GLRA1: variants seen among roughly 807,000 people sequenced by gnomAD.
GLRA1 encodes the protein glycine receptor alpha 1.
A neutral mutation model predicts 48.3 loss-of-function variants in GLRA1; 37 were observed. The ratio of observed to expected loss-of-function variants is 0.77; its 90% confidence interval spans 0.59 to 1.01. The LOEUF (loss-of-function observed/expected upper bound fraction) is 1.01, where lower values mean the gene tolerates loss of function less well. Among genes scored for constraint, GLRA1 ranks in the 50% least tolerant of loss-of-function variants. GLRA1 has a pLI of 0.00. For synonymous variants in GLRA1, 196 were observed against 210.7 expected, an observed-to-expected ratio of 0.93 and a Z score of 0.60; for missense variants, 427 against 571.0, an observed-to-expected ratio of 0.75 and a Z score of 2.57.
intron 1 of GLRA1, 60 bp downstream of exon 1, chr5:151,924,434 C>T: frequency 9.9e-7 from 1 of 1,014,694 alleles, no homozygotes; most frequent in Non-Finnish European, 1.6e-6. Context: ...ACAGAGGTAG[C>T]CTCCGTACTC....
At chr5:151,924,361 GA>G in intron 1 of GLRA1, 132 bp downstream of exon 1, 1 of 733,456 alleles carries the variant, frequency 1.4e-6, no homozygotes. Flanking sequence ...GGAGACGGGG[GA>G]TGGAAGGACC....
rs141650943 is a variant in GLRA1 at position 151,918,155 on chromosome 5, A to T, written c.56+6339T>A. On this transcript the variant is annotated intron_variant, in intron 1 of 8. Transcript: ENST00000274576. Reference sequence around the variant, plus strand: ...TTGGGGCCTCAGTACCCCTCATAAGAGCTTGCATTACAAAGCATAGGCACT... The same window carrying T: ...TTGGGGCCTCAGTACCCCTCATAAGTGCTTGCATTACAAAGCATAGGCACT... Among the ~76,000 whole-genome samples the T allele has an allele frequency of 9.2e-5, 14 of 152,328 alleles. No individual in the cohort carries two copies. In the East Asian group the frequency reaches 2.7e-3, roughly 29 times the overall value.
chr5:151,832,880 T>C (rs2113298017), intron 7 of GLRA1, among the ~76,000 whole-genome samples: 1 of 151,872 alleles, frequency 6.6e-6, no homozygotes, highest in South Asian at 2.1e-4. Context: ...AAGGAAAAAA[T>C]GTTAGGGGCA....
intron 7 of GLRA1, among the ~76,000 whole-genome samples, chr5:151,841,714 T>G (rs1343679032): frequency 6.6e-6 from 1 of 152,142 alleles, no homozygotes; most frequent in African/African-American, 2.4e-5. Flanking sequence ...TGCCAATAAA[T>G]TTGATAACCT....
At chr5:151,858,360 G>A (rs1753102719) in intron 4 of GLRA1, among the ~76,000 whole-genome samples, 1 of 152,184 alleles carries the variant, frequency 6.6e-6, no homozygotes, top group Non-Finnish European at 1.5e-5. Context: ...CTGTCACACT[G>A]GGTTAATTTC....
At chr5:151,878,301 T>G (rs1451088110) in intron 3 of GLRA1, among the ~76,000 whole-genome samples, 1 of 152,116 alleles carries the variant, frequency 6.6e-6, no homozygotes, top group African/African-American at 2.4e-5. Flanking sequence ...CTGGTGGAAG[T>G]AAGCAGCAAA....
At chr5:151,833,356 A>G (rs189507576) in intron 7 of GLRA1, among the ~76,000 whole-genome samples, 1 of 152,246 alleles carries the variant, frequency 6.6e-6, no homozygotes, top group Non-Finnish European at 1.5e-5. Context: ...CAGACTGGCA[A>G]ATTGGATAAA....
chr5:151,840,262 T>G (rs1190027826), intron 7 of GLRA1, among the ~76,000 whole-genome samples: 1 of 152,096 alleles, frequency 6.6e-6, no homozygotes, highest in Admixed American at 6.6e-5. Context: ...TCCAGCTAAT[T>G]TTTTAAAAGT....
At position 151,849,152 on chromosome 5, in the gene GLRA1, CTTTTCTTTTCT is replaced by C. The variant is rs140441934; in HGVS notation, c.912+2227_912+2237del. The C allele has an allele frequency of 4.4e-3, 579 of 132,408 alleles. 23 individuals carry two copies. The highest frequency in any genetic ancestry group is 0.022 in the African/African-American group (464 of 21,250). The allele number at this position is 132,408 out of a possible 1,614,324, so 8.2% of individuals were successfully genotyped here. On this transcript the variant is annotated intron_variant, in intron 7 of 8. Coordinates refer to ENST00000274576, the MANE Select transcript of GLRA1 (RefSeq NM_000171.4). The stretch of plus-strand genomic sequence containing the variant: ...TCTTTCTTTCTTTCTTTCTTTCTTT[CTTTTCTTTTCT>C]TTTCTTTCTTTCTTTCTTTCTTTCT...
At chr5:151,924,315 G>C (rs1206015627) in intron 1 of GLRA1, among the ~76,000 whole-genome samples, 179 bp downstream of exon 1, 9 of 151,006 alleles carry the variant, frequency 6.0e-5, no homozygotes, top group Non-Finnish European at 1.0e-4. Flanking sequence ...GCGGGCGGGG[G>C]TGGGGTGGGT....
intron 6 of GLRA1, among the ~76,000 whole-genome samples, chr5:151,852,231 A>G (rs1445705078): frequency 6.6e-6 from 1 of 152,084 alleles, no homozygotes; most frequent in African/African-American, 2.4e-5. Context: ...CTGAACTTTC[A>G]TGTTTCTGAG....
At chr5:151,892,491 G>C in intron 1 of GLRA1, 53 bp from the exon 2 acceptor site, 1 of 1,602,096 alleles carries the variant, frequency 6.2e-7, no homozygotes, top group Non-Finnish European at 8.5e-7. Context: ...TTCTCATGCT[G>C]TGATCAGATC....
rs1396622824 is a variant in GLRA1, at chr5:151,892,330, C to G, written c.165G>C (p.Arg55Ser). The G allele has an allele frequency of 1.9e-6, 3 of 1,613,892 alleles. No individual in the cohort carries two copies. In the African/African-American group the frequency reaches 4.0e-5, roughly 22 times the overall value. ...LMGRTSGYDA[R>S]IRPNFKGPPV... ...CTCTACCTTTAAAATTGGGCCTGAT[C>G]CTGGCATCATATCCGGAGGTTCTCC... Residue 55 changes from arginine (R) to serine (S), a missense_variant, in exon 2 of 9, where the codon AGG becomes AGC. Arg to Ser is a moderately radical substitution (Grantham distance 110). Around this residue, in one of 4 missense-constraint regions of GLRA1, gnomAD observed 271 missense variants for 434.9 expected, o/e 0.62. Coordinates refer to ENST00000274576, the MANE Select transcript of GLRA1 (RefSeq NM_000171.4).
chr5:151,924,395 C>T (rs1323866344), intron 1 of GLRA1, 99 bp downstream of exon 1: 2 of 821,110 alleles, frequency 2.4e-6, no homozygotes, highest in Non-Finnish European at 4.4e-6. Context: ...AATACAGCAC[C>T]CCTCTTCCCC....
At chr5:151,847,615 A>G (rs1752711123) in intron 7 of GLRA1, among the ~76,000 whole-genome samples, 1 of 151,928 alleles carries the variant, frequency 6.6e-6, no homozygotes, top group South Asian at 2.1e-4. Context: ...GCTACCCGGG[A>G]GGCTGAGGCA....
chr5:151,924,475 T>G lies in GLRA1; in HGVS notation c.56+19A>C, dbSNP rs752436268. The G allele has an allele frequency of 6.9e-7, 1 of 1,449,436 alleles. No homozygotes were observed. The highest frequency in any genetic ancestry group is 9.7e-7 in the Non-Finnish European group (1 of 1,029,684). The allele number at this position is 1,449,436 out of a possible 1,614,324, so 89.8% of individuals were successfully genotyped here. ...CCCCATTTCCATCAGAGCGATGTGG[T>G]CAGTAGAAAATTGCATACCTGAAGA... On this transcript the variant is annotated intron_variant, in intron 1 of 8. Coordinates refer to ENST00000274576, the MANE Select transcript of GLRA1 (RefSeq NM_000171.4).
intron 3 of GLRA1, among the ~76,000 whole-genome samples, chr5:151,866,532 A>G (rs1261033797): frequency 6.6e-6 from 1 of 152,224 alleles, no homozygotes; most frequent in Non-Finnish European, 1.5e-5. Flanking sequence ...AGGTGGGCCC[A>G]TTGCAGTCAG....
chr5:151,851,911 CCATCATCATCAT>C (rs201218235), intron 6 of GLRA1, among the ~76,000 whole-genome samples: 1 of 151,662 alleles, frequency 6.6e-6, no homozygotes, highest in African/African-American at 2.4e-5. Context: ...ATCACTGTTA[CCATCATCATCAT>C]CATCATCATC....
chr5:151,822,998 TAA>T, intron 8 of GLRA1, 35 bp from the exon 9 acceptor site: 1 of 1,557,988 alleles, frequency 6.4e-7, no homozygotes, highest in Non-Finnish European at 8.7e-7. Flanking sequence ...CTACTTAAAA[TAA>T]GACAGGGGCT....
Sources: allele counts gnomAD v4.1 joint callset (sites outside exome capture counted in the v4.1 genomes callset), GRCh38; gene constraint gnomAD v4.1.1; regional missense constraint gnomAD v4.1.1; transcripts MANE v1.5; gene names NCBI Gene and HGNC (gene_info 2026-07-23, HGNC 2026-07-21).